Variants in CERS6 observed in about 807,000 individuals in gnomAD.
The protein encoded by CERS6 is LAG1 homolog, ceramide synthase 6.
CERS6 carries 26 observed loss-of-function variants against 56.8 expected under a neutral mutation model. The observed-to-expected ratio is 0.46, with a 90% CI of 0.34 to 0.63. CERS6 has a LOEUF of 0.63. Among genes scored for constraint, CERS6 ranks in the 30% least tolerant of loss-of-function variants. The pLI is 0.01. For missense variants in CERS6, 415 were observed against 467.5 expected (o/e 0.89, Z 1.04); for synonymous variants, 164 against 173.3 (o/e 0.95, Z 0.42).
At chr2:168,722,821 A>C (rs1683219578) in intron 8 of CERS6, among the ~76,000 whole-genome samples, 1 of 152,110 alleles carries the variant, frequency 6.6e-6, no homozygotes, top group Admixed American at 6.6e-5. Context: ...TGTCCAGAGG[A>C]CATCTGGGAT....
At chr2:168,595,775 A>G (rs1224824915) in intron 3 of CERS6, among the ~76,000 whole-genome samples, 3 of 152,240 alleles carry the variant, frequency 2.0e-5, no homozygotes, top group African/African-American at 7.2e-5. Context: ...TTGCCTTATA[A>G]TTGGAAAAAA....
intron 3 of CERS6, among the ~76,000 whole-genome samples, chr2:168,596,133 T>C (rs1420104004): frequency 6.6e-6 from 1 of 151,818 alleles, no homozygotes; most frequent in Non-Finnish European, 1.5e-5. Context: ...CTGCCAAAAT[T>C]CAATATTTGT....
intron 4 of CERS6, among the ~76,000 whole-genome samples, chr2:168,664,568 C>T (rs1212950056): frequency 6.6e-6 from 1 of 152,128 alleles, no homozygotes; most frequent in Non-Finnish European, 1.5e-5. Flanking sequence ...TTTATGGTTA[C>T]TTTTTGGTGA....
chr2:168,769,535 T>C lies in CERS6; in HGVS notation c.1028T>C (p.Ile343Thr), dbSNP rs749506102. Residue 343 changes from isoleucine to threonine, a missense_variant, in exon 10 of 10, where the codon ATT becomes ACT. Ile to Thr is a moderately conservative substitution (Grantham distance 89). Coordinates refer to ENST00000305747, the MANE Select transcript of CERS6 (RefSeq NM_203463.3). ...GKVSKDDRSDIESSSDEEDSE... is the reference protein window; with the variant it reads ...GKVSKDDRSDTESSSDEEDSE... ...GTGTCCAAGGATGATCGAAGTGATA[T>C]TGAGTCTAGCTCAGATGAGGAGGAC... is the stretch of plus-strand genomic sequence containing the variant. 13 of 1,605,030 alleles carry C rather than the reference T, an allele frequency of 8.1e-6. No homozygotes were observed. Among genetic ancestry groups the C allele is most frequent in the South Asian group, 1.1e-5 (1 of 88,576 alleles).
intron 4 of CERS6, among the ~76,000 whole-genome samples, chr2:168,663,396 A>T (rs1403315992): frequency 3.3e-5 from 5 of 152,126 alleles, no homozygotes; most frequent in South Asian, 2.1e-4. Flanking sequence ...TGCAGAATTT[A>T]AAAAAACTAT....
chr2:168,550,711 C>T (rs1366759160), intron 2 of CERS6, among the ~76,000 whole-genome samples: 1 of 152,182 alleles, frequency 6.6e-6, no homozygotes, highest in African/African-American at 2.4e-5. Flanking sequence ...TGCCCCAACC[C>T]ATGGGTGATG....
intron 4 of CERS6, among the ~76,000 whole-genome samples, chr2:168,673,423 A>C (rs2105341739): frequency 6.6e-6 from 1 of 152,358 alleles, no homozygotes; most frequent in East Asian, 1.9e-4. Flanking sequence ...AAAAAGGAAA[A>C]GGGAGGTCTC....
At chr2:168,675,797 T>G (rs1574151404) in intron 4 of CERS6, among the ~76,000 whole-genome samples, 1 of 151,754 alleles carries the variant, frequency 6.6e-6, no homozygotes, top group Non-Finnish European at 1.5e-5. Flanking sequence ...AGCGGTTCTC[T>G]TGCCTCAGCC....
At chr2:168,513,684 C>G (rs566172044) in intron 1 of CERS6, among the ~76,000 whole-genome samples, 77 of 152,298 alleles carry the variant, frequency 5.1e-4, no homozygotes, top group Non-Finnish European at 9.0e-4. Flanking sequence ...TTTCTCTGCT[C>G]GAAAGTTAGC....
At chr2:168,739,857 G>A (rs1321373296) in intron 8 of CERS6, among the ~76,000 whole-genome samples, 1 of 152,010 alleles carries the variant, frequency 6.6e-6, no homozygotes, top group Non-Finnish European at 1.5e-5. Flanking sequence ...GAGTAGCTGG[G>A]ATTACAGGCG....
At chr2:168,498,418 C>T (rs1001410041) in intron 1 of CERS6, among the ~76,000 whole-genome samples, 2 of 152,106 alleles carry the variant, frequency 1.3e-5, no homozygotes, top group African/African-American at 4.8e-5. Context: ...AGCAGAGCCT[C>T]TGGCAGAAAC....
At chr2:168,632,229 G>A (rs919837968) in intron 4 of CERS6, among the ~76,000 whole-genome samples, 2 of 151,968 alleles carry the variant, frequency 1.3e-5, no homozygotes, top group African/African-American at 2.4e-5. Flanking sequence ...GTTCTCTATA[G>A]TATTAGCCTC....
At chr2:168,683,584 C>G (rs1438468456) in intron 4 of CERS6, among the ~76,000 whole-genome samples, 1 of 152,226 alleles carries the variant, frequency 6.6e-6, no homozygotes, top group Non-Finnish European at 1.5e-5. Flanking sequence ...CTGCACATCT[C>G]TCTCCCCGTG....
chr2:168,735,304 A>AG (rs1434306627), intron 8 of CERS6, among the ~76,000 whole-genome samples: 1 of 152,120 alleles, frequency 6.6e-6, no homozygotes, highest in Non-Finnish European at 1.5e-5. Flanking sequence ...AAAAAAAAAA[A>AG]GTTAATAAGC....
Position 168,769,554 on chromosome 2 carries a change from G to A in CERS6, c.1047G>A (p.Glu349=). ...DRSDIESSSD[E]EDSEPPGKNP... ...GTGATATTGAGTCTAGCTCAGATGA[G>A]GAGGACTCAGAACCTCCGGGAAAGA... The change falls in exon 10 of 10, where the codon GAG becomes GAA. Residue 349 remains glutamate (E), a synonymous_variant. Coordinates refer to ENST00000305747, the MANE Select transcript of CERS6 (RefSeq NM_203463.3). 6.2e-7 allele frequency: 1 copy of A among 1,612,120 alleles called. No homozygotes were observed. Among genetic ancestry groups the A allele is most frequent in the Non-Finnish European group, 8.5e-7 (1 of 1,179,424 alleles).
At chr2:168,682,750 A>C (rs145593363) in intron 4 of CERS6, among the ~76,000 whole-genome samples, 2 of 152,204 alleles carry the variant, frequency 1.3e-5, no homozygotes, top group African/African-American at 4.8e-5. Flanking sequence ...TACAAGATCC[A>C]TGCTATGTGG....
chr2:168,519,372 A>G (rs1694938766), intron 1 of CERS6, among the ~76,000 whole-genome samples: 1 of 152,160 alleles, frequency 6.6e-6, no homozygotes, highest in African/African-American at 2.4e-5. Context: ...TTTCTTTTAA[A>G]AATTTTTTTA....
intron 4 of CERS6, among the ~76,000 whole-genome samples, chr2:168,659,133 G>A (rs149966629): frequency 6.6e-6 from 1 of 152,214 alleles, no homozygotes; most frequent in African/African-American, 2.4e-5. Flanking sequence ...CTTTACAGTT[G>A]ACCACTAGAA....
At chr2:168,457,322 C>T (rs977322104) in intron 1 of CERS6, among the ~76,000 whole-genome samples, 3 of 152,180 alleles carry the variant, frequency 2.0e-5, no homozygotes, top group Admixed American at 1.3e-4. Flanking sequence ...TAACCCTGTC[C>T]TGTGAATAAT....
Sources: allele counts gnomAD v4.1 joint callset (sites outside exome capture counted in the v4.1 genomes callset), GRCh38; gene constraint gnomAD v4.1.1; transcripts MANE v1.5; gene names NCBI Gene and HGNC (gene_info 2026-07-23, HGNC 2026-07-21).